Variants in NNT observed in about 807,000 individuals in gnomAD.
NNT encodes the protein nicotinamide nucleotide transhydrogenase, also known as NAD(P) transhydrogenase, mitochondrial.
Under a neutral mutation model 104.8 loss-of-function variants are expected in NNT, and 50 were observed. The ratio of observed to expected loss-of-function variants is 0.48; its 90% CI spans 0.38 to 0.60. The LOEUF (loss-of-function observed/expected upper bound fraction) is 0.60. Among genes scored for constraint, NNT ranks in the 20% least tolerant of loss-of-function variants. The pLI is 0.00. For missense variants in NNT, 1,131 were observed against 1,330.7 expected (o/e 0.85, Z 2.33); for synonymous variants, 461 against 490.4 (o/e 0.94, Z 0.79).
chr5:43,651,702 G>A lies in NNT; in HGVS notation c.1718-37G>A, dbSNP rs188927559. 11 of 1,609,982 alleles carry A rather than the reference G, an allele frequency of 6.8e-6. No homozygotes were observed. The East Asian group carries it at 2.2e-4, about 33-fold the overall frequency. On this transcript the variant is annotated intron_variant, in intron 12 of 21. Coordinates refer to ENST00000344920, the MANE Select transcript of NNT (RefSeq NM_182977.3). ...AATCATGTTGCTCAGTGAGCTCAAA[G>A]AGGTACTATGTTTTTTATTTCCTTT...
At chr5:43,672,524 G>T (rs1580088546) in intron 17 of NNT, among the ~76,000 whole-genome samples, 1 of 152,242 alleles carries the variant, frequency 6.6e-6, no homozygotes, top group South Asian at 2.1e-4. Flanking sequence ...TCAGCTGCAG[G>T]TCTGTTGGAG....
chr5:43,619,706 A>G (rs1026670606), intron 5 of NNT, among the ~76,000 whole-genome samples: 1 of 152,210 alleles, frequency 6.6e-6, no homozygotes, highest in Non-Finnish European at 1.5e-5. Flanking sequence ...CTCAGTAACA[A>G]TGGAAACCCT....
At chr5:43,616,899 A>G (rs919825607) in intron 4 of NNT, among the ~76,000 whole-genome samples, 1 of 152,210 alleles carries the variant, frequency 6.6e-6, no homozygotes, top group Non-Finnish European at 1.5e-5. Flanking sequence ...AACTATTAGT[A>G]GTTGAGAATT....
chr5:43,653,270 C>A, intron 14 of NNT, 57 bp downstream of exon 14: 1 of 1,463,752 alleles, frequency 6.8e-7, no homozygotes, highest in Non-Finnish European at 9.3e-7. Context: ...ATATATATTT[C>A]TAAGGTCCAT....
At chr5:43,617,465 C>T (rs1749851497) in intron 4 of NNT, among the ~76,000 whole-genome samples, 1 of 152,066 alleles carries the variant, frequency 6.6e-6, no homozygotes. Context: ...CTTCTATGTC[C>T]TGAGCTGATA....
chr5:43,704,487 A>G lies in NNT; in HGVS notation c.*83A>G, dbSNP rs1054833510. On this transcript the variant is annotated 3_prime_UTR_variant, in exon 22 of 22. Transcript: ENST00000344920. ...AAATAAAGTATCAGTATACATGGTG[A>G]TGTACATCTGTAGCAAAGCTCTTGG... 7.2e-7 allele frequency: 1 copy of G among 1,387,454 alleles called. No homozygotes were observed. The highest frequency in any genetic ancestry group is 1.5e-5 in the African/African-American group (1 of 68,124). 85.9% of individuals were successfully genotyped at this position (1,387,454 alleles called of 1,614,324 possible). A position where few individuals can be genotyped will look rare whatever the true frequency, so the allele number is the denominator to read the frequency against.
rs371081845 is a variant in NNT, at chr5:43,656,729, C to G, written c.2370C>G (p.Gly790=). 1 of 1,614,098 alleles carries G rather than the reference C, an allele frequency of 6.2e-7. No homozygotes were observed. Among genetic ancestry groups the G allele is most frequent in the South Asian group, 1.1e-5 (1 of 91,078 alleles). Residue 790 remains glycine, a synonymous_variant, in exon 16 of 22, where the codon GGC becomes GGG. Transcript: ENST00000344920. ...LNAGLLAASV[G]GIIPFMVDPS... Reference sequence around the variant, plus strand: ...CAGGCTTACTGGCTGCTAGTGTGGGCGGGATAATCCCATTCATGGTGGACC... The same window carrying G: ...CAGGCTTACTGGCTGCTAGTGTGGGGGGGATAATCCCATTCATGGTGGACC...
chr5:43,682,529 A>G (rs536192051), intron 19 of NNT, among the ~76,000 whole-genome samples: 101 of 152,264 alleles, frequency 6.6e-4, no homozygotes, highest in African/African-American at 2.3e-3. Flanking sequence ...CCTGTTTTTC[A>G]TGGATAAGTA....
rs574685772 is a variant in NNT at position 43,704,868 on chromosome 5, T to A, written c.*464T>A. The A allele has an allele frequency of 5.7e-5, 9 of 156,612 alleles. No individual in the cohort carries two copies. Among genetic ancestry groups the A allele is most frequent in the African/African-American group, 2.2e-4 (9 of 41,590 alleles). The allele number at this position is 156,612 out of a possible 1,614,324, so 9.7% of individuals were successfully genotyped here. On this transcript the variant is annotated 3_prime_UTR_variant, in exon 22 of 22. Coordinates refer to ENST00000344920, the MANE Select transcript of NNT (RefSeq NM_182977.3). Reference sequence around the variant, plus strand: ...AAATGTGACTAATTTGAAACTTTTATGAACTTCTGAGCTGTCCCCTTGCAA... The same window carrying A: ...AAATGTGACTAATTTGAAACTTTTAAGAACTTCTGAGCTGTCCCCTTGCAA...
chr5:43,625,823 C>T (rs1750333378), intron 6 of NNT, among the ~76,000 whole-genome samples: 1 of 152,000 alleles, frequency 6.6e-6, no homozygotes, highest in South Asian at 2.1e-4. Context: ...TGAAAAAGCA[C>T]AAGAACAGAA....
intron 3 of NNT, among the ~76,000 whole-genome samples, chr5:43,614,622 A>T (rs1394270765): frequency 1.3e-5 from 2 of 152,220 alleles, no homozygotes; most frequent in East Asian, 3.9e-4. Context: ...TCTCATAGGT[A>T]AATTGAGGTG....
chr5:43,624,173 G>A, intron 6 of NNT, 53 bp downstream of exon 6: 1 of 1,516,672 alleles, frequency 6.6e-7, no homozygotes, highest in Non-Finnish European at 9.2e-7. Flanking sequence ...TGTTTCAGGG[G>A]CATATTATGA....
At position 43,618,461 on chromosome 5, in the gene NNT, A is replaced by G. The variant is rs117712726; in HGVS notation, c.600-571A>G. On this transcript the variant is annotated intron_variant, in intron 4 of 21. Transcript: ENST00000344920. ...TTCTGTTCTCCGAGGTTGAAATCTTATTTTGTACAAGCCTATGGCTGACCT... is the reference window on the plus strand; with the variant it reads ...TTCTGTTCTCCGAGGTTGAAATCTTGTTTTGTACAAGCCTATGGCTGACCT... 4.9e-3 allele frequency among the ~76,000 whole-genome samples: 740 copies of G among 152,262 alleles called. 26 individuals are homozygous for G. The East Asian group carries it at 0.094, about 19-fold the overall frequency.
chr5:43,665,925 G>A (rs959424071), intron 17 of NNT, among the ~76,000 whole-genome samples: 6 of 151,404 alleles, frequency 4.0e-5, no homozygotes, highest in Admixed American at 2.6e-4. Context: ...GGGTGGCGGC[G>A]GGGCAAAGAC....
chr5:43,640,848 C>A (rs971585379), intron 7 of NNT, among the ~76,000 whole-genome samples: 9 of 150,454 alleles, frequency 6.0e-5, no homozygotes, highest in Non-Finnish European at 1.3e-4. Context: ...TATACATTTT[C>A]ATATACATCA....
chr5:43,645,302 A>G (rs1325268318), intron 9 of NNT, 55 bp from the exon 10 acceptor site: 1 of 1,232,242 alleles, frequency 8.1e-7, no homozygotes, highest in Non-Finnish European at 1.1e-6. Context: ...TCCTTAAGCA[A>G]TTTTGAAATG....
chr5:43,672,724 A>T (rs62368570), intron 17 of NNT, among the ~76,000 whole-genome samples: 5,125 of 145,536 alleles, frequency 0.035, 127 homozygotes, highest in East Asian at 0.13. Flanking sequence ...TAGGCTACTC[A>T]GGGGTCAGGG....
At chr5:43,642,543 C>A (rs912122282) in intron 7 of NNT, among the ~76,000 whole-genome samples, 1 of 152,194 alleles carries the variant, frequency 6.6e-6, no homozygotes, top group African/African-American at 2.4e-5. Context: ...TTGATTCTTG[C>A]TCTTTCTTGG....
intron 7 of NNT, among the ~76,000 whole-genome samples, chr5:43,632,713 C>T (rs1378153823): frequency 6.6e-6 from 1 of 152,164 alleles, no homozygotes; most frequent in Non-Finnish European, 1.5e-5. Flanking sequence ...AGCTCGTTGA[C>T]CTTTGGGGCT....
Sources: gnomAD v4.1 joint callset for allele counts (sites outside exome capture counted in the v4.1 genomes callset) on GRCh38, gnomAD v4.1.1 for gene constraint, MANE v1.5 for transcripts, NCBI Gene and HGNC (gene_info 2026-07-23, HGNC 2026-07-21) for gene names.